Variants in LMX1A observed in about 807,000 individuals in gnomAD.
LMX1A encodes LIM homeobox transcription factor 1-alpha.
In LMX1A, 15 loss-of-function variants were observed where a neutral mutation model predicts 49.1. The observed-to-expected ratio is 0.31, with a 90% CI of 0.20 to 0.47. The LOEUF (loss-of-function observed/expected upper bound fraction) is 0.47, where lower values mean the gene tolerates loss of function less well. Among genes scored for constraint, LMX1A ranks in the 20% least tolerant of loss-of-function variants. The pLI, the probability that LMX1A is intolerant of heterozygous loss-of-function variation, is 1.00. For synonymous variants in LMX1A, 167 were observed against 185.7 expected (o/e 0.90, Z 0.82); for missense variants, 372 against 475.8 (o/e 0.78, Z 2.03).
At chr1:165,317,557 C>T (rs1415288614) in intron 3 of LMX1A, among the ~76,000 whole-genome samples, 1 of 152,162 alleles carries the variant, frequency 6.6e-6, no homozygotes, top group African/African-American at 2.4e-5. Flanking sequence ...AAAAATAAAG[C>T]CATTCTGGGA....
intron 3 of LMX1A, among the ~76,000 whole-genome samples, chr1:165,323,454 T>G (rs1463103037): frequency 1.3e-5 from 2 of 152,210 alleles, no homozygotes; most frequent in African/African-American, 4.8e-5. Flanking sequence ...ACAGATTCAT[T>G]TTAAAATAGA....
chr1:165,207,184 G>A (rs139536034), intron 7 of LMX1A, among the ~76,000 whole-genome samples: 339 of 152,284 alleles, frequency 2.2e-3, no homozygotes, highest in African/African-American at 7.6e-3. Flanking sequence ...GGTGACTTAC[G>A]TGCATATTAA....
At chr1:165,241,727 T>G (rs947062554) in intron 4 of LMX1A, among the ~76,000 whole-genome samples, 1 of 152,212 alleles carries the variant, frequency 6.6e-6, no homozygotes, top group African/African-American at 2.4e-5. Flanking sequence ...GTGAGTTAAC[T>G]GCTGCTTCTC....
intron 3 of LMX1A, among the ~76,000 whole-genome samples, chr1:165,332,363 T>TA (rs959817162): frequency 6.6e-5 from 10 of 151,938 alleles, no homozygotes; most frequent in Non-Finnish European, 1.2e-4. Context: ...TCAGAATGGA[T>TA]AAAAAAACAA....
At chr1:165,311,554 A>G (rs773140814) in intron 3 of LMX1A, among the ~76,000 whole-genome samples, 9 of 152,194 alleles carry the variant, frequency 5.9e-5, no homozygotes, top group Admixed American at 5.2e-4. Context: ...CTGCATGGAC[A>G]TGCCTGAAGA....
At chr1:165,308,610 C>T (rs1270502057) in intron 3 of LMX1A, among the ~76,000 whole-genome samples, 1 of 152,202 alleles carries the variant, frequency 6.6e-6, no homozygotes, top group African/African-American at 2.4e-5. Flanking sequence ...CACAACGATT[C>T]TATAAAACAA....
intron 3 of LMX1A, among the ~76,000 whole-genome samples, chr1:165,287,392 C>G (rs1571202911): frequency 6.6e-6 from 1 of 152,334 alleles, no homozygotes; most frequent in East Asian, 1.9e-4. Flanking sequence ...CTACACCTCT[C>G]CTAAAAGAAA....
chr1:165,306,402 T>A (rs578221874), intron 3 of LMX1A, among the ~76,000 whole-genome samples: 28 of 152,274 alleles, frequency 1.8e-4, no homozygotes, highest in Admixed American at 3.3e-4. Context: ...CACATCTAAG[T>A]GGCTCTTGAT....
intron 3 of LMX1A, among the ~76,000 whole-genome samples, chr1:165,285,087 C>T (rs760805860): frequency 2.0e-5 from 3 of 152,218 alleles, no homozygotes; most frequent in Non-Finnish European, 4.4e-5. Flanking sequence ...AAAAAGATTA[C>T]ATGTTTAGTT....
intron 3 of LMX1A, among the ~76,000 whole-genome samples, chr1:165,338,679 T>C (rs1394930157): frequency 1.3e-5 from 2 of 152,230 alleles, no homozygotes; most frequent in African/African-American, 4.8e-5. Flanking sequence ...AGTTGACAAG[T>C]AGAAAAATCC....
intron 3 of LMX1A, among the ~76,000 whole-genome samples, chr1:165,282,563 C>T (rs1397481144): frequency 6.6e-6 from 1 of 152,052 alleles, no homozygotes; most frequent in Non-Finnish European, 1.5e-5. Flanking sequence ...GATGCAGAAC[C>T]TGTGGCTCTG....
intron 3 of LMX1A, among the ~76,000 whole-genome samples, chr1:165,272,920 C>T (rs963014548): frequency 1.3e-5 from 2 of 152,144 alleles, no homozygotes; most frequent in African/African-American, 4.8e-5. Context: ...GAACATTCTT[C>T]CACGGACCAC....
chr1:165,310,074 T>C (rs1288829120), intron 3 of LMX1A, among the ~76,000 whole-genome samples: 1 of 152,236 alleles, frequency 6.6e-6, no homozygotes, highest in African/African-American at 2.4e-5. Context: ...CTAAAGGGCA[T>C]AGCTCTCTGC....
intron 3 of LMX1A, among the ~76,000 whole-genome samples, chr1:165,294,884 A>T (rs1654572776): frequency 6.6e-6 from 1 of 152,184 alleles, no homozygotes; most frequent in Non-Finnish European, 1.5e-5. Flanking sequence ...GAATCCCTTG[A>T]ACCCGGGAGG....
intron 3 of LMX1A, among the ~76,000 whole-genome samples, chr1:165,348,516 A>G (rs1015174332): frequency 2.0e-5 from 3 of 152,210 alleles, no homozygotes; most frequent in African/African-American, 7.2e-5. Context: ...GCAATTTAAC[A>G]CAGACATCAG....
In LMX1A at chr1:165,281,730, T is replaced by TTGTG. The variant is rs61207728; in HGVS notation, c.264-32094_264-32091dup. On this transcript the variant is annotated intron_variant, in intron 3 of 8. Transcript: ENST00000342310. ...GCCAACTGTACACACAGGCAATATT[T>TTGTG]TGTGTGTGTGTGTGTATGTGTGTGT... Among the ~76,000 whole-genome samples, 753 of 149,626 alleles carry TTGTG rather than the reference T, an allele frequency of 5.0e-3. 7 individuals are homozygous for TTGTG. Among genetic ancestry groups the TTGTG allele is most frequent in the Middle Eastern group, 0.014 (4 of 284 alleles).
chr1:165,290,066 G>C (rs1345954655), intron 3 of LMX1A, among the ~76,000 whole-genome samples: 3 of 152,198 alleles, frequency 2.0e-5, no homozygotes, highest in Non-Finnish European at 4.4e-5. Context: ...TGCACATTTG[G>C]ACCTGAGACA....
chr1:165,239,787 A>G (rs560648202), intron 4 of LMX1A, among the ~76,000 whole-genome samples: 41 of 152,212 alleles, frequency 2.7e-4, no homozygotes, highest in Non-Finnish European at 5.7e-4. Flanking sequence ...AACAACAATA[A>G]AAATAGACAA....
chr1:165,309,140 C>T (rs1005748000), intron 3 of LMX1A, among the ~76,000 whole-genome samples: 33 of 152,234 alleles, frequency 2.2e-4, no homozygotes, highest in African/African-American at 7.5e-4. Flanking sequence ...TGATTACCAC[C>T]GAGATACCCT....
Sources: allele counts gnomAD v4.1 joint callset (sites outside exome capture counted in the v4.1 genomes callset), GRCh38; gene constraint gnomAD v4.1.1; transcripts MANE v1.5; gene names NCBI Gene and HGNC (gene_info 2026-07-23, HGNC 2026-07-21).